Variants in SLC13A3 observed in about 807,000 individuals in gnomAD.
SLC13A3 encodes Na(+)/dicarboxylate cotransporter 3.
SLC13A3 carries 40 observed loss-of-function variants against 59.0 expected under a neutral mutation model. That is an observed-to-expected ratio of 0.68 (90% confidence interval 0.53 to 0.88). SLC13A3 has a LOEUF of 0.88. SLC13A3 is among the 40% of genes least tolerant of loss of function. The probability of loss-of-function intolerance (pLI) is 0.00; values close to 1 mark genes in which losing one functional copy is unlikely to be tolerated. For synonymous variants in SLC13A3, 317 were observed against 330.3 expected, an observed-to-expected ratio of 0.96 and a Z score of 0.44; for missense variants, 699 against 783.2, an observed-to-expected ratio of 0.89 and a Z score of 1.28.
At chr20:46,627,419 G>A (rs1036331721) in intron 1 of SLC13A3, among the ~76,000 whole-genome samples, 18 of 152,108 alleles carry the variant, frequency 1.2e-4, no homozygotes, top group Non-Finnish European at 2.5e-4. Flanking sequence ...AGGGAGGGGC[G>A]GGGACTGTGG....
At position 46,559,613 on chromosome 20, in the gene SLC13A3, G is replaced by T. The variant is rs1043402090; in HGVS notation, c.*409C>A. On this transcript the variant is annotated 3_prime_UTR_variant, in exon 13 of 13. Coordinates refer to ENST00000279027, the MANE Select transcript of SLC13A3 (RefSeq NM_022829.6). ...GAAAGTGATCTTTAAAGACAAGGTG[G>T]TCTCTTCAGTGTAATCGAAAGTAAT... is the stretch of plus-strand genomic sequence containing the variant. The T allele has an allele frequency of 6.4e-6, 1 of 157,448 alleles. No individual in the cohort carries two copies. Among genetic ancestry groups the T allele is most frequent in the African/African-American group, 2.4e-5 (1 of 41,626 alleles). 9.8% of individuals were successfully genotyped at this position (157,448 alleles called of 1,614,324 possible).
At chr20:46,616,571 CT>C (rs2062557335) in intron 1 of SLC13A3, among the ~76,000 whole-genome samples, 1 of 152,220 alleles carries the variant, frequency 6.6e-6, no homozygotes, top group South Asian at 2.1e-4. Context: ...AGCTGAGACC[CT>C]TTTGTTGGAA....
At chr20:46,663,856 G>T (rs992612608) in intron 1 of SLC13A3, among the ~76,000 whole-genome samples, 1 of 152,150 alleles carries the variant, frequency 6.6e-6, no homozygotes, top group Non-Finnish European at 1.5e-5. Flanking sequence ...GTGTTTATTA[G>T]ATCTGGGCAA....
chr20:46,591,622 T>C (rs1023618878), intron 6 of SLC13A3, among the ~76,000 whole-genome samples: 2 of 152,148 alleles, frequency 1.3e-5, no homozygotes, highest in Non-Finnish European at 2.9e-5. Flanking sequence ...ACTGAGACTT[T>C]CTCCTCAACG....
chr20:46,566,229 C>A lies in SLC13A3; in HGVS notation c.1494G>T (p.Leu498=). 1 of 1,613,000 alleles carries A rather than the reference C, an allele frequency of 6.2e-7. No individual in the cohort carries two copies. Among genetic ancestry groups the A allele is most frequent in the Non-Finnish European group, 8.5e-7 (1 of 1,179,178 alleles). The change falls in exon 11 of 13, where the codon CTG becomes CTT. Residue 498 remains leucine (L), a splice_region_variant and synonymous_variant. Coordinates refer to ENST00000279027, the MANE Select transcript of SLC13A3 (RefSeq NM_022829.6). ...CCCTCTTCCCCAGAAGGACCCTCAC[C>A]AGCTCTGCCAGGACCGGCAGGAAGA... ...IIIFLPVLAE[L]AIRLRVHPLY... is the part of the protein sequence containing the mutation.
intron 1 of SLC13A3, among the ~76,000 whole-genome samples, chr20:46,618,491 T>C (rs538827787): frequency 1.3e-5 from 2 of 152,280 alleles, no homozygotes; most frequent in South Asian, 2.1e-4. Flanking sequence ...ATCCCCATTG[T>C]AGTGGTAATA....
chr20:46,572,132 C>T (rs1290517116), intron 10 of SLC13A3, among the ~76,000 whole-genome samples: 1 of 152,130 alleles, frequency 6.6e-6, no homozygotes, highest in Non-Finnish European at 1.5e-5. Flanking sequence ...AGAGTAAGCA[C>T]TACTTCCTGC....
chr20:46,577,884 C>T (rs149786660), intron 9 of SLC13A3, among the ~76,000 whole-genome samples: 183 of 152,372 alleles, frequency 1.2e-3, no homozygotes, highest in African/African-American at 4.0e-3. Context: ...GCAAAATGGG[C>T]TAACAGCACT....
chr20:46,672,443 G>T (rs567867748), upstream of SLC13A3, among the ~76,000 whole-genome samples: 6 of 152,288 alleles, frequency 3.9e-5, no homozygotes, highest in South Asian at 1.2e-3. Context: ...CAGGCACTGT[G>T]CTGAACACTG....
intron 1 of SLC13A3, among the ~76,000 whole-genome samples, chr20:46,614,294 T>TAG: frequency 6.6e-6 from 1 of 152,248 alleles, no homozygotes; most frequent in East Asian, 1.9e-4. Context: ...TATCATGCCT[T>TAG]AGAGTTGTCT....
chr20:46,585,851 C>A, intron 8 of SLC13A3: 1 of 1,180,498 alleles, frequency 8.5e-7, no homozygotes, highest in Non-Finnish European at 1.1e-6. Flanking sequence ...TAACAACCTT[C>A]AGGAGATCAG....
intron 1 of SLC13A3, among the ~76,000 whole-genome samples, chr20:46,616,403 C>A (rs1165616411): frequency 6.6e-6 from 1 of 152,178 alleles, no homozygotes; most frequent in Non-Finnish European, 1.5e-5. Context: ...CTAAACCTCC[C>A]CGATTTGGGG....
intron 8 of SLC13A3, among the ~76,000 whole-genome samples, chr20:46,584,828 G>T: frequency 1.3e-5 from 2 of 152,094 alleles, no homozygotes; most frequent in East Asian, 3.8e-4. Context: ...TATGTGCAAC[G>T]ATGTTCATTA....
At chr20:46,568,937 G>A (rs1372977777) in intron 10 of SLC13A3, among the ~76,000 whole-genome samples, 1 of 152,132 alleles carries the variant, frequency 6.6e-6, no homozygotes, top group Non-Finnish European at 1.5e-5. Flanking sequence ...TGTTGCGTAG[G>A]GTTCTACTGG....
intron 1 of SLC13A3, among the ~76,000 whole-genome samples, chr20:46,628,836 C>G (rs2062706237): frequency 6.6e-6 from 1 of 152,246 alleles, no homozygotes; most frequent in African/African-American, 2.4e-5. Context: ...ACATCTCCAT[C>G]ATCACAGAAA....
At chr20:46,578,112 A>T (rs1417296584) in intron 9 of SLC13A3, among the ~76,000 whole-genome samples, 1 of 150,934 alleles carries the variant, frequency 6.6e-6, no homozygotes, top group Non-Finnish European at 1.5e-5. Context: ...ATTTTTTTTT[A>T]GTAGAGACGG....
At chr20:46,655,844 T>C (rs190248198), upstream of SLC13A3, among the ~76,000 whole-genome samples, 2 of 137,818 alleles carry the variant, frequency 1.5e-5, no homozygotes, top group Non-Finnish European at 3.1e-5. Context: ...GTATATATTA[T>C]ACTGTATATA....
intron 1 of SLC13A3, among the ~76,000 whole-genome samples, chr20:46,644,674 G>A (rs1452407730): frequency 6.6e-6 from 1 of 152,178 alleles, no homozygotes; most frequent in African/African-American, 2.4e-5. Flanking sequence ...CTGCTCATCA[G>A]GGCAGAGGCT....
In SLC13A3 at chr20:46,610,431, T is replaced by C; in HGVS notation, c.541+15A>G. On this transcript the variant is annotated intron_variant, in intron 3 of 12. Transcript: ENST00000279027. ...TCCTGGTGGATTTGGCCCCAATCCC[T>C]TAGCACAGCCTCACCTGTGTTCTCT... 1 of 1,604,644 alleles carries C rather than the reference T, an allele frequency of 6.2e-7. No individual in the cohort carries two copies. Among genetic ancestry groups the C allele is most frequent in the Non-Finnish European group, 8.5e-7 (1 of 1,175,778 alleles).
Sources: gnomAD v4.1 joint callset for allele counts (sites outside exome capture counted in the v4.1 genomes callset) on GRCh38, gnomAD v4.1.1 for gene constraint, MANE v1.5 for transcripts, NCBI Gene and HGNC (gene_info 2026-07-23, HGNC 2026-07-21) for gene names.